Variants in ESRRG observed in about 807,000 individuals in gnomAD.
ESRRG encodes the protein estrogen-related receptor gamma.
In ESRRG, 13 loss-of-function variants were observed where a neutral mutation model predicts 44.0. That is an observed-to-expected ratio of 0.30 (90% CI 0.19 to 0.47). ESRRG has a LOEUF of 0.47. ESRRG is among the 20% of genes least tolerant of loss of function. ESRRG has a pLI of 1.00. For synonymous variants in ESRRG, 215 were observed against 214.6 expected (o/e 1.00, Z -0.02); for missense variants, 395 against 580.6 (o/e 0.68, Z 3.29).
intron 1 of ESRRG, among the ~76,000 whole-genome samples, chr1:216,708,302 T>C (rs2082844813): frequency 6.6e-6 from 1 of 152,112 alleles, no homozygotes; most frequent in Admixed American, 6.5e-5. Context: ...ATAATAAAAG[T>C]AATATATATT....
At chr1:216,912,229 A>AGG in intron 2 of ESRRG, among the ~76,000 whole-genome samples, 1 of 76,142 alleles carries the variant, frequency 1.3e-5, no homozygotes, top group Admixed American at 1.2e-4. Context: ...AGGAGAGGAG[A>AGG]GGAGAGGAGA....
chr1:217,129,928 G>A (rs1179549186), intron 1 of ESRRG, among the ~76,000 whole-genome samples: 1 of 152,014 alleles, frequency 6.6e-6, no homozygotes, highest in Non-Finnish European at 1.5e-5. Context: ...AAAAGCCACT[G>A]AATTATATTG....
At chr1:216,531,977 A>C (rs1388780223) in intron 5 of ESRRG, among the ~76,000 whole-genome samples, 2 of 152,102 alleles carry the variant, frequency 1.3e-5, no homozygotes, top group East Asian at 3.9e-4. Context: ...TATCAGGTTG[A>C]TTCAAGGAAA....
intron 1 of ESRRG, among the ~76,000 whole-genome samples, chr1:216,679,689 C>G (rs928938590): frequency 2.0e-4 from 30 of 149,572 alleles, no homozygotes; most frequent in African/African-American, 7.5e-4. Flanking sequence ...TCTTCAGACC[C>G]TCTTTTTAAA....
intron 1 of ESRRG, among the ~76,000 whole-genome samples, chr1:216,954,999 G>A (rs1270025143): frequency 6.6e-6 from 1 of 152,092 alleles, no homozygotes; most frequent in Non-Finnish European, 1.5e-5. Flanking sequence ...TCAAATCAGG[G>A]TAATTAGAAT....
chr1:217,003,537 A>T (rs983880974), intron 1 of ESRRG, among the ~76,000 whole-genome samples: 1 of 147,922 alleles, frequency 6.8e-6, no homozygotes, highest in Non-Finnish European at 1.5e-5. Context: ...TAATATTAAT[A>T]CTAATATTAG....
intron 1 of ESRRG, among the ~76,000 whole-genome samples, chr1:217,116,167 G>A (rs1050485658): frequency 6.6e-6 from 1 of 152,186 alleles, no homozygotes; most frequent in Non-Finnish European, 1.5e-5. Context: ...AGATAAAATA[G>A]ATTAAGATAG....
At chr1:216,689,767 G>A (rs1559240341) in intron 1 of ESRRG, among the ~76,000 whole-genome samples, 1 of 152,008 alleles carries the variant, frequency 6.6e-6, no homozygotes, top group Non-Finnish European at 1.5e-5. Flanking sequence ...AAACATCAAT[G>A]GATGTCATAA....
At chr1:216,673,448 A>T (rs2075567901) in intron 2 of ESRRG, among the ~76,000 whole-genome samples, 1 of 152,234 alleles carries the variant, frequency 6.6e-6, no homozygotes, top group Non-Finnish European at 1.5e-5. Context: ...AAGCACAGCC[A>T]GGTGGGCAAG....
intron 1 of ESRRG, among the ~76,000 whole-genome samples, chr1:217,107,266 C>T (rs1013301977): frequency 1.6e-4 from 25 of 152,216 alleles, no homozygotes; most frequent in African/African-American, 5.8e-4. Context: ...ATAAGATTCC[C>T]TTTCTAATGT....
At position 217,028,689 on chromosome 1, in the gene ESRRG, G is replaced by A. The variant is rs2150998014; in HGVS notation, c.-106+60818C>T. Among the ~76,000 whole-genome samples the A allele has an allele frequency of 1.3e-5, 2 of 152,298 alleles. 1 individual carries two copies. Among genetic ancestry groups the A allele is most frequent in the South Asian group, 4.1e-4 (2 of 4,830 alleles). On this transcript the variant is annotated intron_variant, in intron 1 of 7. Coordinates refer to the ESRRG transcript ENST00000359162. Reference sequence around the variant, plus strand: ...AAAGAATATTTTCAAATTCCAGGAAGTTTTCACAAGATAGCAAAAAATACA... The same window carrying A: ...AAAGAATATTTTCAAATTCCAGGAAATTTTCACAAGATAGCAAAAAATACA...
intron 3 of ESRRG, among the ~76,000 whole-genome samples, chr1:216,594,394 T>A (rs913656478): frequency 5.9e-5 from 9 of 152,184 alleles, no homozygotes; most frequent in African/African-American, 1.7e-4. Context: ...ATTAGAATAT[T>A]TTAAGGAGAG....
At chr1:216,794,800 G>T (rs894774872) in intron 2 of ESRRG, among the ~76,000 whole-genome samples, 1 of 152,178 alleles carries the variant, frequency 6.6e-6, no homozygotes, top group Non-Finnish European at 1.5e-5. Flanking sequence ...GAATGAAAAG[G>T]ACAGCCTTTC....
At chr1:216,804,486 A>T (rs1398802492) in intron 2 of ESRRG, among the ~76,000 whole-genome samples, 2 of 152,060 alleles carry the variant, frequency 1.3e-5, no homozygotes, top group Non-Finnish European at 2.9e-5. Context: ...ATTTTTTTTC[A>T]TCATTTACCT....
intron 2 of ESRRG, among the ~76,000 whole-genome samples, chr1:216,831,517 A>G (rs1413498873): frequency 6.7e-6 from 1 of 150,004 alleles, no homozygotes; most frequent in Non-Finnish European, 1.5e-5. Flanking sequence ...AGAGAGAGAG[A>G]AAGAGGCAGG....
chr1:216,774,701 C>T (rs183111195), intron 2 of ESRRG, among the ~76,000 whole-genome samples: 7 of 151,442 alleles, frequency 4.6e-5, no homozygotes, highest in East Asian at 3.9e-4. Flanking sequence ...TGATTAAAAG[C>T]GTGTGAAAAC....
In ESRRG at chr1:216,916,517, G is replaced by A. The variant is rs75548694; in HGVS notation, c.-14+23065C>T. On this transcript the variant is annotated intron_variant, in intron 2 of 7. Transcript: ENST00000359162. Reference sequence around the variant, plus strand: ...TTTGCCCAGGAAGAGGATGAGGAATGAGAATTTGGGGACACATGCTCATGT... The same window carrying A: ...TTTGCCCAGGAAGAGGATGAGGAATAAGAATTTGGGGACACATGCTCATGT... 1.2e-4 allele frequency among the ~76,000 whole-genome samples: 19 copies of A among 152,362 alleles called. 1 individual carries two copies. In the East Asian group the frequency reaches 3.7e-3, roughly 29 times the overall value.
rs192567426 is a variant in ESRRG, at chr1:216,532,495, T to G, written c.863-13074A>C. On this transcript the variant is annotated intron_variant, in intron 5 of 6. Transcript: ENST00000408911. Reference sequence around the variant, plus strand: ...TAATTACCCCTACTGAGAGCTGCTCTGTCATTTTCACTATTGCCGACGCAG... The same window carrying G: ...TAATTACCCCTACTGAGAGCTGCTCGGTCATTTTCACTATTGCCGACGCAG... Among the ~76,000 whole-genome samples, 378 of 152,336 alleles carry G rather than the reference T, an allele frequency of 2.5e-3. 4 individuals are homozygous for G. The highest frequency in any genetic ancestry group is 0.014 in the Middle Eastern group (4 of 294).
intron 2 of ESRRG, among the ~76,000 whole-genome samples, chr1:216,925,807 A>C (rs1230580057): frequency 6.6e-6 from 1 of 151,722 alleles, no homozygotes; most frequent in Non-Finnish European, 1.5e-5. Context: ...AAAAATTAGC[A>C]GGCGTGGTGG....
Sources: gnomAD v4.1 joint callset for allele counts (sites outside exome capture counted in the v4.1 genomes callset) on GRCh38, gnomAD v4.1.1 for gene constraint, MANE v1.5 for transcripts, NCBI Gene and HGNC (gene_info 2026-07-23, HGNC 2026-07-21) for gene names.